PUS10: variants seen among roughly 807,000 people sequenced by gnomAD.
PUS10 encodes tRNA pseudouridine synthase Pus10.
A neutral mutation model predicts 75.0 loss-of-function variants in PUS10; 59 were observed. The observed-to-expected ratio is 0.79, with a 90% CI of 0.64 to 0.98. PUS10 has a LOEUF of 0.98. PUS10 is among the 50% of genes least tolerant of loss of function. PUS10 has a pLI of 0.00. For missense variants in PUS10, 650 were observed against 614.4 expected, an observed-to-expected ratio of 1.06 and a Z score of -0.61; for synonymous variants, 219 against 211.6, an observed-to-expected ratio of 1.03 and a Z score of -0.30.
intron 2 of PUS10, 26 bp from the exon 3 acceptor site, chr2:61,009,041 A>T: frequency 6.3e-7 from 1 of 1,593,484 alleles, no homozygotes; most frequent in Non-Finnish European, 8.5e-7. Flanking sequence ...AAGAAAAAGT[A>T]ATGACCCACT....
At chr2:60,977,966 TA>T (rs1191820415) in intron 4 of PUS10, among the ~76,000 whole-genome samples, 1 of 152,122 alleles carries the variant, frequency 6.6e-6, no homozygotes, top group African/African-American at 2.4e-5. Flanking sequence ...AAAACGATAA[TA>T]AACATTAAGC....
chr2:60,994,535 T>C (rs1678324289), intron 4 of PUS10, among the ~76,000 whole-genome samples: 1 of 152,238 alleles, frequency 6.6e-6, no homozygotes, highest in Non-Finnish European at 1.5e-5. Flanking sequence ...ATAAATGTGA[T>C]GGGAAAGTGC....
rs373289768 is a variant in PUS10, at chr2:61,009,096, A to G, written c.127-81T>C. On this transcript the variant is annotated intron_variant, in intron 2 of 17. Transcript: ENST00000316752. ...TCTAGGTAAGATGAAACAAGAAAAC[A>G]TGAGTGAAAATTAGGACATATCACA... The G allele has an allele frequency of 6.9e-4, 881 of 1,272,968 alleles. 12 individuals carry two copies. The South Asian group carries it at 0.012, about 18-fold the overall frequency. The allele number at this position is 1,272,968 out of a possible 1,614,324, so 78.9% of individuals were successfully genotyped here.
chr2:61,017,786 C>A (rs1365913728), intron 1 of PUS10: 3 of 1,550,178 alleles, frequency 1.9e-6, no homozygotes, highest in East Asian at 4.9e-5. Flanking sequence ...CACCTCCCCC[C>A]AAACCCTGGG....
intron 4 of PUS10, among the ~76,000 whole-genome samples, chr2:60,974,605 C>A (rs1250330259): frequency 6.6e-6 from 1 of 152,186 alleles, no homozygotes; most frequent in Non-Finnish European, 1.5e-5. Flanking sequence ...TGAGCCAGGG[C>A]GTGACACCCT....
intron 4 of PUS10, among the ~76,000 whole-genome samples, chr2:61,002,816 T>C (rs984422051): frequency 6.6e-6 from 1 of 152,224 alleles, no homozygotes; most frequent in Non-Finnish European, 1.5e-5. Context: ...ATTAAAATGT[T>C]TATGCCATTA....
chr2:60,993,281 C>T (rs1452601732), intron 4 of PUS10, among the ~76,000 whole-genome samples: 1 of 151,990 alleles, frequency 6.6e-6, no homozygotes, highest in Non-Finnish European at 1.5e-5. Flanking sequence ...ATGGTGAAAC[C>T]CCATCTCTAC....
At chr2:60,966,473 A>G (rs941885797) in intron 6 of PUS10, 1 of 152,280 alleles carries the variant, frequency 6.6e-6, no homozygotes, top group Non-Finnish European at 1.5e-5. Flanking sequence ...TCTATACAAT[A>G]ATTAAAATGA....
At chr2:60,947,474 G>C (rs1356346341) in intron 16 of PUS10, among the ~76,000 whole-genome samples, 3 of 152,144 alleles carry the variant, frequency 2.0e-5, no homozygotes, top group Non-Finnish European at 2.9e-5. Flanking sequence ...ACAATTATAG[G>C]AAACATAACT....
intron 4 of PUS10, among the ~76,000 whole-genome samples, chr2:60,989,392 G>A (rs570169866): frequency 5.1e-4 from 77 of 152,156 alleles, no homozygotes; most frequent in African/African-American, 1.8e-3. Flanking sequence ...TGAGTCTTTT[G>A]AGTCACATTT....
chr2:60,973,570 C>A (rs910200762), intron 4 of PUS10, among the ~76,000 whole-genome samples: 1 of 152,230 alleles, frequency 6.6e-6, no homozygotes, highest in Non-Finnish European at 1.5e-5. Context: ...CCAACAAGTA[C>A]GGGAGGGAGG....
chr2:61,006,624 G>C lies in PUS10; in HGVS notation c.401C>G (p.Ala134Gly), dbSNP rs1178548218. 2 of 1,612,294 alleles carry C rather than the reference G, an allele frequency of 1.2e-6. No homozygotes were observed. The highest frequency in any genetic ancestry group is 1.1e-5 in the South Asian group (1 of 90,666). ...FIKKVCQKVE[A>G]SGFEFTSLVF... is the part of the protein sequence containing the mutation. Reference sequence around the variant, plus strand: ...CAAGCTGGTGAATTCAAACCCAGAGGCCTCAACCTTTTGGCACACCTGAAA... The same window carrying C: ...CAAGCTGGTGAATTCAAACCCAGAGCCCTCAACCTTTTGGCACACCTGAAA... The change falls in exon 4 of 18, where the codon GCC (alanine) becomes GGC (glycine). Residue 134 changes from alanine to glycine, a missense_variant. Coordinates refer to ENST00000316752, the MANE Select transcript of PUS10 (RefSeq NM_144709.4).
chr2:61,011,360 A>C (rs534409139), intron 2 of PUS10, among the ~76,000 whole-genome samples: 2 of 152,318 alleles, frequency 1.3e-5, no homozygotes, highest in African/African-American at 4.8e-5. Flanking sequence ...CACAACTGGT[A>C]ATACAGAAAA....
At chr2:60,973,282 A>G (rs1676806864) in intron 4 of PUS10, among the ~76,000 whole-genome samples, 1 of 152,198 alleles carries the variant, frequency 6.6e-6, no homozygotes, top group Non-Finnish European at 1.5e-5. Context: ...AAACGCAAAG[A>G]GGCAGGCAGT....
intron 2 of PUS10, chr2:61,009,768 C>A (rs1679478079): frequency 6.6e-6 from 1 of 152,186 alleles, no homozygotes; most frequent in Admixed American, 6.6e-5. Flanking sequence ...TTTATTATGC[C>A]ATTGTTGAAA....
intron 4 of PUS10, among the ~76,000 whole-genome samples, chr2:60,997,764 T>C (rs1023129058): frequency 1.3e-5 from 2 of 152,202 alleles, no homozygotes; most frequent in African/African-American, 4.8e-5. Context: ...TTGCTTTGCA[T>C]GGATAAGTGG....
chr2:60,995,046 C>T (rs919188186), intron 4 of PUS10, among the ~76,000 whole-genome samples: 1 of 152,134 alleles, frequency 6.6e-6, no homozygotes, highest in Non-Finnish European at 1.5e-5. Context: ...GCCAAGATCA[C>T]ACCACTGCAC....
intron 11 of PUS10, among the ~76,000 whole-genome samples, chr2:60,957,648 G>GC (rs1675763411): frequency 6.6e-6 from 1 of 152,268 alleles, no homozygotes; most frequent in Non-Finnish European, 1.5e-5. Flanking sequence ...CTAGGCTCTA[G>GC]CCTACGCTGT....
chr2:61,005,631 G>A (rs1229761368), intron 4 of PUS10, among the ~76,000 whole-genome samples: 1 of 152,198 alleles, frequency 6.6e-6, no homozygotes, highest in Non-Finnish European at 1.5e-5. Context: ...ATGCTTTGAT[G>A]ATTGACTAGA....
Sources: allele counts gnomAD v4.1 joint callset (sites outside exome capture counted in the v4.1 genomes callset), GRCh38; gene constraint gnomAD v4.1.1; transcripts MANE v1.5; gene names NCBI Gene and HGNC (gene_info 2026-07-23, HGNC 2026-07-21).